NBEA: variants seen among roughly 807,000 people sequenced by gnomAD.
NBEA encodes the protein neurobeachin, also known as lysosomal-trafficking regulator 2.
A neutral mutation model predicts 343.4 loss-of-function variants in NBEA; 44 were observed. The ratio of observed to expected loss-of-function variants is 0.13; its 90% CI spans 0.10 to 0.16. The LOEUF is 0.16. NBEA is among the 10% of genes least tolerant of loss of function. The pLI is 1.00. For missense variants in NBEA, 2,555 were observed against 3,631.3 expected (o/e 0.70, Z 7.62); for synonymous variants, 1,175 against 1,238.7 (o/e 0.95, Z 1.08).
At chr13:35,574,020 T>C (rs552947421) in intron 45 of NBEA, among the ~76,000 whole-genome samples, 1 of 152,262 alleles carries the variant, frequency 6.6e-6, no homozygotes, top group East Asian at 1.9e-4. Flanking sequence ...CACATGAAGA[T>C]TTAAGATGCT....
At chr13:35,436,334 A>G (rs537019322) in intron 39 of NBEA, among the ~76,000 whole-genome samples, 4 of 152,340 alleles carry the variant, frequency 2.6e-5, no homozygotes, top group African/African-American at 4.8e-5. Context: ...AATTCTGACT[A>G]AACTACTAGA....
chr13:35,497,709 A>G (rs1368283187), intron 41 of NBEA, among the ~76,000 whole-genome samples: 1 of 152,014 alleles, frequency 6.6e-6, no homozygotes, highest in African/African-American at 2.4e-5. Flanking sequence ...ATCTCTTTTA[A>G]TGATAGGCAA....
chr13:35,096,999 A>G (rs1429581137), intron 10 of NBEA, among the ~76,000 whole-genome samples: 2 of 151,884 alleles, frequency 1.3e-5, no homozygotes, highest in Non-Finnish European at 2.9e-5. Context: ...ATCAGTTAAT[A>G]TAATTGAATT....
At chr13:34,955,126 C>T (rs1276580847) in intron 1 of NBEA, among the ~76,000 whole-genome samples, 3 of 152,208 alleles carry the variant, frequency 2.0e-5, no homozygotes, top group South Asian at 2.1e-4. Context: ...CCTGACCCTT[C>T]GTCCAGTTCT....
At chr13:35,359,071 T>A (rs981311990) in intron 38 of NBEA, among the ~76,000 whole-genome samples, 1 of 152,180 alleles carries the variant, frequency 6.6e-6, no homozygotes, top group Admixed American at 6.5e-5. Flanking sequence ...TTCAATCACG[T>A]TAAGGATTTG....
In NBEA at chr13:34,962,548, G is replaced by A. The variant is rs541899704; in HGVS notation, c.294+19434G>A. On this transcript the variant is annotated intron_variant, in intron 1 of 58. Coordinates refer to ENST00000379939, the MANE Select transcript of NBEA (RefSeq NM_001385012.1). Reference sequence around the variant, plus strand: ...ATACTTTGAAAGGAAAATTGAAAACGTTACAGAGTTGAGGAAACAATTATT... The same window carrying A: ...ATACTTTGAAAGGAAAATTGAAAACATTACAGAGTTGAGGAAACAATTATT... 3.3e-5 allele frequency among the ~76,000 whole-genome samples: 5 copies of A among 152,144 alleles called. No homozygotes were observed. The South Asian group carries it at 1.0e-3, about 32-fold the overall frequency.
At chr13:35,310,345 C>G (rs2037277032) in intron 36 of NBEA, among the ~76,000 whole-genome samples, 1 of 152,106 alleles carries the variant, frequency 6.6e-6, no homozygotes, top group South Asian at 2.1e-4. Context: ...ACCACAAACA[C>G]ATCCATCCAA....
intron 41 of NBEA, among the ~76,000 whole-genome samples, chr13:35,481,963 G>A (rs2076136273): frequency 6.6e-6 from 1 of 151,772 alleles, no homozygotes; most frequent in South Asian, 2.1e-4. Context: ...GGTCATCCAG[G>A]ACTGCATTGC....
At chr13:35,341,022 G>C (rs1200222620) in intron 36 of NBEA, among the ~76,000 whole-genome samples, 1 of 151,972 alleles carries the variant, frequency 6.6e-6, no homozygotes, top group East Asian at 1.9e-4. Flanking sequence ...AAAACAGTGT[G>C]GTGCTAGTTA....
intron 38 of NBEA, among the ~76,000 whole-genome samples, chr13:35,381,519 G>A (rs557514237): frequency 3.9e-5 from 6 of 152,138 alleles, no homozygotes; most frequent in South Asian, 2.1e-4. Flanking sequence ...TTCTATTCCC[G>A]AGTAGCATGG....
intron 36 of NBEA, among the ~76,000 whole-genome samples, chr13:35,336,432 A>G (rs2039266330): frequency 6.6e-6 from 1 of 152,122 alleles, no homozygotes; most frequent in Non-Finnish European, 1.5e-5. Flanking sequence ...GTGGGGGTGC[A>G]AATTATTTCA....
Position 35,063,276 on chromosome 13 carries a change from T to A in NBEA, c.1239+4413T>A, listed in dbSNP as rs73483907. ...AACCAACAAAACCCCTGCCTGTATT[T>A]TGGAGAAGTAGGGTGTGCAGTATCA... On this transcript the variant is annotated intron_variant, in intron 8 of 58. Transcript: ENST00000379939. Among the ~76,000 whole-genome samples, 1,160 of 152,060 alleles carry A rather than the reference T, an allele frequency of 7.6e-3. 13 individuals are homozygous for A. Among genetic ancestry groups the A allele is most frequent in the African/African-American group, 0.027 (1,106 of 41,526 alleles).
chr13:35,496,306 G>A (rs1374017641), intron 41 of NBEA, among the ~76,000 whole-genome samples: 1 of 151,868 alleles, frequency 6.6e-6, no homozygotes, highest in Non-Finnish European at 1.5e-5. Flanking sequence ...CATATATTGT[G>A]TTCCTTAAAT....
At chr13:34,982,607 C>T (rs2060395179) in intron 1 of NBEA, among the ~76,000 whole-genome samples, 1 of 152,000 alleles carries the variant, frequency 6.6e-6, no homozygotes, top group Non-Finnish European at 1.5e-5. Flanking sequence ...CACCTGATTT[C>T]GAATTTAAAT....
At chr13:35,533,360 G>T (rs538075357) in intron 41 of NBEA, among the ~76,000 whole-genome samples, 77 of 152,218 alleles carry the variant, frequency 5.1e-4, no homozygotes, top group African/African-American at 1.9e-3. Flanking sequence ...TTGATAAATA[G>T]TATGGTTTGT....
intron 53 of NBEA, among the ~76,000 whole-genome samples, chr13:35,653,197 A>G (rs2084642223): frequency 6.6e-6 from 1 of 152,218 alleles, no homozygotes; most frequent in African/African-American, 2.4e-5. Context: ...CATATATGTA[A>G]GACAGTTTTT....
intron 28 of NBEA, among the ~76,000 whole-genome samples, chr13:35,181,925 T>C (rs1386316170): frequency 6.6e-6 from 1 of 151,728 alleles, no homozygotes; most frequent in East Asian, 1.9e-4. Flanking sequence ...CCAGTTACAC[T>C]AGGATTTTAT....
chr13:35,160,120 C>T, intron 22 of NBEA, 88 bp downstream of exon 22: 1 of 1,198,342 alleles, frequency 8.3e-7, no homozygotes, highest in Middle Eastern at 2.2e-4. Flanking sequence ...TTATCAGTTA[C>T]TTCATGTTTA....
intron 35 of NBEA, among the ~76,000 whole-genome samples, chr13:35,298,426 C>G (rs912383097): frequency 6.6e-6 from 1 of 151,246 alleles, no homozygotes; most frequent in Non-Finnish European, 1.5e-5. Flanking sequence ...CTTATACTGG[C>G]TTCCACAACT....
Sources: gnomAD v4.1 joint callset for allele counts (sites outside exome capture counted in the v4.1 genomes callset) on GRCh38, gnomAD v4.1.1 for gene constraint, MANE v1.5 for transcripts, NCBI Gene and HGNC (gene_info 2026-07-23, HGNC 2026-07-21) for gene names.